Variants in GPC3 observed in about 807,000 individuals in gnomAD.
The protein encoded by GPC3 is glypican-3.
A neutral mutation model predicts 34.4 loss-of-function variants in GPC3; 3 were observed. The ratio of observed to expected loss-of-function variants is 0.09; its 90% CI spans 0.04 to 0.23. The LOEUF (loss-of-function observed/expected upper bound fraction) is 0.23. GPC3 is among the 10% of genes least tolerant of loss of function. The pLI is 1.00. For missense variants in GPC3, 351 were observed against 445.6 expected, an observed-to-expected ratio of 0.79 and a Z score of 1.91; for synonymous variants, 177 against 174.0, an observed-to-expected ratio of 1.02 and a Z score of -0.13.
At chrX:133,967,228 T>C (rs1043746148) in intron 1 of GPC3, among the ~76,000 whole-genome samples, 1 of 112,481 alleles carries the variant, frequency 8.9e-6, no homozygotes, top group African/African-American at 3.2e-5. Flanking sequence ...ACATAAAAGA[T>C]TTTTCAATGA....
intron 6 of GPC3, among the ~76,000 whole-genome samples, chrX:133,656,419 C>T (rs1404516780): frequency 1.8e-5 from 2 of 112,145 alleles, no homozygotes; most frequent in African/African-American, 6.5e-5. Flanking sequence ...AGCTCTACCA[C>T]TTACTGTATG....
chrX:133,673,788 T>C (rs1018211594), intron 5 of GPC3, among the ~76,000 whole-genome samples: 8 of 112,484 alleles, frequency 7.1e-5, no homozygotes, highest in Admixed American at 1.9e-4. Context: ...ATATAATGAA[T>C]GTTAGCAAAT....
chrX:133,592,288 C>T (rs1469932782), intron 7 of GPC3, among the ~76,000 whole-genome samples: 1 of 74,649 alleles, frequency 1.3e-5, no homozygotes, highest in Non-Finnish European at 2.5e-5. Context: ...CCCCTCCCCC[C>T]ACCCCAGGAC....
At chrX:133,716,914 A>G (rs1020735972) in intron 3 of GPC3, among the ~76,000 whole-genome samples, 3 of 111,844 alleles carry the variant, frequency 2.7e-5, no homozygotes, top group Non-Finnish European at 5.6e-5. Flanking sequence ...GAAGTAATTC[A>G]TTGCATTCAA....
chrX:133,830,697 A>C (rs113602562), intron 2 of GPC3, among the ~76,000 whole-genome samples: 6,094 of 106,815 alleles, frequency 0.057, 585 homozygotes, highest in African/African-American at 0.2. Flanking sequence ...AAAAAAAAAA[A>C]AAAAAAAAAC....
chrX:133,913,220 G>C (rs2076209144), intron 2 of GPC3, among the ~76,000 whole-genome samples: 2 of 112,132 alleles, frequency 1.8e-5, no homozygotes, highest in Non-Finnish European at 1.9e-5. Context: ...AGGAGAGGCA[G>C]AGGAAGAAGA....
intron 2 of GPC3, among the ~76,000 whole-genome samples, chrX:133,826,117 A>G (rs941005665): frequency 9.8e-5 from 11 of 112,016 alleles, no homozygotes; most frequent in Admixed American, 9.5e-5. Flanking sequence ...TAACCAAAAA[A>G]CCCACAAAAG....
intron 6 of GPC3, among the ~76,000 whole-genome samples, chrX:133,612,300 A>G (rs971144377): frequency 3.6e-5 from 4 of 112,249 alleles, no homozygotes; most frequent in African/African-American, 1.3e-4. Flanking sequence ...ATGTAGGTCA[A>G]AACTTTACCC....
chrX:133,805,410 G>C (rs2075631059), intron 2 of GPC3, among the ~76,000 whole-genome samples: 1 of 111,741 alleles, frequency 8.9e-6, no homozygotes, highest in Non-Finnish European at 1.9e-5. Context: ...CTAGGACTGG[G>C]GGACAGTGGA....
intron 7 of GPC3, among the ~76,000 whole-genome samples, chrX:133,593,919 AC>A (rs2069881414): frequency 9.1e-6 from 1 of 110,030 alleles, no homozygotes; most frequent in Non-Finnish European, 1.9e-5. Flanking sequence ...ACATGGATAA[AC>A]CCCGTCTCTA....
At chrX:133,656,998 G>A (rs1044934955) in intron 6 of GPC3, among the ~76,000 whole-genome samples, 5 of 111,673 alleles carry the variant, frequency 4.5e-5, no homozygotes, top group African/African-American at 3.3e-5. Flanking sequence ...AGGCCATCTC[G>A]TCCACTCCCC....
chrX:133,763,100 G>A (rs997999887), intron 2 of GPC3: 9 of 656,067 alleles, frequency 1.4e-5, no homozygotes, highest in African/African-American at 8.6e-5. Flanking sequence ...ATTGCTGGCC[G>A]CTTCACTCCT....
At chrX:133,660,936 A>T (rs1170907450) in intron 6 of GPC3, among the ~76,000 whole-genome samples, 5 of 111,642 alleles carry the variant, frequency 4.5e-5, no homozygotes, top group Non-Finnish European at 7.5e-5. Flanking sequence ...TGCGGGGCTG[A>T]TGCAGGAGGA....
chrX:133,709,131 GTTA>G (rs887750133), intron 3 of GPC3, among the ~76,000 whole-genome samples: 9 of 111,974 alleles, frequency 8.0e-5, no homozygotes, highest in African/African-American at 2.6e-4. Context: ...TAATTGAAGT[GTTA>G]TTATAATGTC....
chrX:133,585,286 G>A (rs920932393), intron 7 of GPC3, among the ~76,000 whole-genome samples: 4 of 111,288 alleles, frequency 3.6e-5, no homozygotes, highest in African/African-American at 1.3e-4. Flanking sequence ...CAGTTTAAGG[G>A]GCCTTATGGA....
rs187925089 is a variant in GPC3 at position 133,806,838 on chromosome X, C to T, written c.338-52662G>A. Among the ~76,000 whole-genome samples, 820 of 109,509 alleles carry T rather than the reference C, an allele frequency of 7.5e-3. 4 individuals carry two copies. The highest frequency in any genetic ancestry group is 0.019 in the Middle Eastern group (4 of 213). ...TAATTTTTTGTATTTTTAGTAGAGA[C>T]GGGGTTTCACCGCGTTAGCCAGGAT... On this transcript the variant is annotated intron_variant, in intron 2 of 7. Coordinates refer to ENST00000370818, the MANE Select transcript of GPC3 (RefSeq NM_004484.4).
chrX:133,960,635 A>G (rs1423690167), intron 1 of GPC3, among the ~76,000 whole-genome samples: 1 of 111,171 alleles, frequency 9.0e-6, no homozygotes, highest in Non-Finnish European at 1.9e-5. Flanking sequence ...AATCTTTTCT[A>G]TATATATATA....
At chrX:133,867,787 G>A (rs182790841) in intron 2 of GPC3, among the ~76,000 whole-genome samples, 17 of 106,714 alleles carry the variant, frequency 1.6e-4, no homozygotes, top group South Asian at 8.9e-4. Context: ...ACAAGCAGAC[G>A]AGGAGATGAG....
intron 3 of GPC3, chrX:133,704,237 T>C (rs768405028): frequency 9.0e-7 from 1 of 1,107,462 alleles, no homozygotes; most frequent in Non-Finnish European, 1.2e-6. Flanking sequence ...AGGAAGAAGA[T>C]AGGATATTTG....
Sources: allele counts gnomAD v4.1 joint callset (sites outside exome capture counted in the v4.1 genomes callset), GRCh38; gene constraint gnomAD v4.1.1; transcripts MANE v1.5; gene names NCBI Gene and HGNC (gene_info 2026-07-23, HGNC 2026-07-21).